Variants in AFF2 observed in about 807,000 individuals in gnomAD.
The protein encoded by AFF2 is ALF transcription elongation factor 2, also known as AF4/FMR2 family member 2.
In AFF2, 14 loss-of-function variants were observed where a neutral mutation model predicts 76.9. The ratio of observed to expected loss-of-function variants is 0.18; its 90% CI spans 0.12 to 0.28. AFF2 has a LOEUF of 0.28. Among genes scored for constraint, AFF2 ranks in the 10% least tolerant of loss-of-function variants. The probability of loss-of-function intolerance (pLI) is 1.00; values close to 1 mark genes in which losing one functional copy is unlikely to be tolerated. For synonymous variants in AFF2, 398 were observed against 366.7 expected (o/e 1.09, Z -0.98); for missense variants, 868 against 1,001.1 (o/e 0.87, Z 1.79).
At chrX:148,560,856 C>T (rs1557240506) in intron 1 of AFF2, among the ~76,000 whole-genome samples, 2 of 110,937 alleles carry the variant, frequency 1.8e-5, no homozygotes, top group African/African-American at 6.6e-5. Flanking sequence ...ACCTCCTGTT[C>T]TCCTCAAAGT....
At chrX:148,839,554 A>T (rs1406358497) in intron 5 of AFF2, among the ~76,000 whole-genome samples, 1 of 111,802 alleles carries the variant, frequency 8.9e-6, no homozygotes, top group Non-Finnish European at 1.9e-5. Flanking sequence ...ACTTAGATCC[A>T]GGTGTTCCTG....
chrX:148,938,582 T>C (rs1241339508), intron 9 of AFF2, among the ~76,000 whole-genome samples: 1 of 112,124 alleles, frequency 8.9e-6, no homozygotes, highest in Non-Finnish European at 1.9e-5. Context: ...TGGTCTCCTC[T>C]TACAGATCCT....
chrX:148,578,690 G>T (rs782109716), intron 1 of AFF2, among the ~76,000 whole-genome samples: 1 of 111,839 alleles, frequency 8.9e-6, no homozygotes, highest in Non-Finnish European at 1.9e-5. Context: ...CTATAGATGC[G>T]TTCTGTTTTG....
intron 3 of AFF2, among the ~76,000 whole-genome samples, chrX:148,667,038 G>C (rs2054367657): frequency 8.9e-6 from 1 of 112,255 alleles, no homozygotes; most frequent in African/African-American, 3.2e-5. Context: ...CTAACGTGTA[G>C]AGTGTCATAT....
In AFF2 at chrX:148,966,886, A is replaced by ACCACTGTCACAGCTACTG; in HGVS notation, c.3015_3032dup (p.Val1006_Thr1011dup). 4 of 1,210,681 alleles carry ACCACTGTCACAGCTACTG rather than the reference A, an allele frequency of 3.3e-6. No individual in the cohort carries two copies. The highest frequency in any genetic ancestry group is 4.5e-6 in the Non-Finnish European group (4 of 895,277). On this transcript the variant is annotated inframe_insertion, in exon 14 of 21. Coordinates refer to ENST00000370460, the MANE Select transcript of AFF2 (RefSeq NM_002025.4). ...TGTCACTGCTACTGCCATTGTCACCACCACTGTCACAGCTACTGCCACCGC... is the reference window on the plus strand; with the variant it reads ...TGTCACTGCTACTGCCATTGTCACCACCACTGTCACAGCTACTGCCACTGTCACAGCTACTGCCACCGC...
intron 3 of AFF2, among the ~76,000 whole-genome samples, chrX:148,677,347 T>C (rs181013120): frequency 1.5e-3 from 167 of 111,818 alleles, no homozygotes; most frequent in Non-Finnish European, 1.9e-3. Context: ...GATTAATGTT[T>C]GCACAGTGCT....
At chrX:148,589,539 A>G (rs2053502963) in intron 1 of AFF2, among the ~76,000 whole-genome samples, 3 of 112,052 alleles carry the variant, frequency 2.7e-5, no homozygotes, top group African/African-American at 9.8e-5. Context: ...TATGATTTTA[A>G]CTTCATTTCA....
intron 3 of AFF2, among the ~76,000 whole-genome samples, chrX:148,709,992 T>C (rs1557262764): frequency 9.0e-6 from 1 of 111,534 alleles, no homozygotes; most frequent in African/African-American, 3.3e-5. Context: ...AAATACTTAA[T>C]CTAAAAATCA....
chrX:148,855,140 G>A (rs2070773053), intron 7 of AFF2, among the ~76,000 whole-genome samples: 1 of 111,566 alleles, frequency 9.0e-6, no homozygotes, highest in Non-Finnish European at 1.9e-5. Context: ...ACCTAGTGGT[G>A]GGACAGTACC....
intron 3 of AFF2, among the ~76,000 whole-genome samples, chrX:148,751,011 A>G (rs2055492494): frequency 8.9e-6 from 1 of 112,282 alleles, no homozygotes; most frequent in Non-Finnish European, 1.9e-5. Context: ...TTTTGATAAC[A>G]AGCATTTAGA....
intron 3 of AFF2, among the ~76,000 whole-genome samples, chrX:148,782,939 C>G (rs1404765178): frequency 3.6e-5 from 4 of 111,690 alleles, no homozygotes; most frequent in Non-Finnish European, 7.5e-5. Flanking sequence ...ACTCATTTTC[C>G]CAATCTGTAA....
At chrX:148,754,553 C>T (rs1411234981) in intron 3 of AFF2, among the ~76,000 whole-genome samples, 2 of 110,845 alleles carry the variant, frequency 1.8e-5, no homozygotes, top group Non-Finnish European at 3.8e-5. Flanking sequence ...AACATCTGAC[C>T]TTTCTTAATC....
At chrX:148,825,834 G>A (rs1245122843) in intron 4 of AFF2, among the ~76,000 whole-genome samples, 1 of 107,594 alleles carries the variant, frequency 9.3e-6, no homozygotes, top group African/African-American at 3.4e-5. Context: ...AGGCAGTGGT[G>A]GGGGTGGGAG....
chrX:148,879,485 C>T (rs140398430), intron 7 of AFF2, among the ~76,000 whole-genome samples: 1,374 of 111,783 alleles, frequency 0.012, 25 homozygotes, highest in African/African-American at 0.042. Flanking sequence ...TTTGGCTACA[C>T]AAGAAAAGAT....
chrX:148,602,519 G>A lies in AFF2; in HGVS notation c.48-49480G>A, dbSNP rs181745955. Among the ~76,000 whole-genome samples the A allele has an allele frequency of 5.2e-3, 579 of 111,287 alleles. 1 individual carries two copies. The highest frequency in any genetic ancestry group is 8.3e-3 in the Non-Finnish European group (441 of 52,990). The stretch of plus-strand genomic sequence containing the variant: ...GATGTTTATTATGGCAGTTTTCTAG[G>A]TGAGAGTTGATTCTGACTTGGGCCA... On this transcript the variant is annotated intron_variant, in intron 1 of 20. Transcript: ENST00000370460.
chrX:148,665,272 A>G (rs1195143620), intron 3 of AFF2, among the ~76,000 whole-genome samples: 1 of 111,976 alleles, frequency 8.9e-6, no homozygotes, highest in African/African-American at 3.2e-5. Context: ...CGAGAGGTAC[A>G]TTTTCAAAGA....
intron 11 of AFF2, among the ~76,000 whole-genome samples, chrX:148,957,933 A>G (rs1191099815): frequency 8.9e-6 from 1 of 112,649 alleles, no homozygotes; most frequent in Admixed American, 9.4e-5. Flanking sequence ...TATGTCAGCC[A>G]TGATCCCCAT....
chrX:148,662,830 A>C, intron 3 of AFF2, 62 bp downstream of exon 3: 1 of 1,080,644 alleles, frequency 9.3e-7, no homozygotes, highest in Non-Finnish European at 1.2e-6. Context: ...TCTAACCTCT[A>C]TAATCCAGTA....
chrX:148,567,383 A>C (rs2053180848), intron 1 of AFF2, among the ~76,000 whole-genome samples: 1 of 111,523 alleles, frequency 9.0e-6, no homozygotes, highest in Admixed American at 9.5e-5. Context: ...ACATAGTAAT[A>C]AAGCAGGGAA....
Sources: gnomAD v4.1 joint callset for allele counts (sites outside exome capture counted in the v4.1 genomes callset) on GRCh38, gnomAD v4.1.1 for gene constraint, MANE v1.5 for transcripts, NCBI Gene and HGNC (gene_info 2026-07-23, HGNC 2026-07-21) for gene names.